The following NEK11 variants were observed in gnomAD, a reference collection of about 807,000 sequenced individuals.
NEK11 encodes the protein NIMA related kinase 11, also known as serine/threonine-protein kinase Nek11.
NEK11 carries 72 observed loss-of-function variants against 80.7 expected under a neutral mutation model. The ratio of observed to expected loss-of-function variants is 0.89; its 90% CI spans 0.74 to 1.08. The LOEUF is 1.08. Ranked by LOEUF, NEK11 falls within the 50% of genes least tolerant of loss-of-function variation. NEK11 has a pLI of 0.00. For missense variants in NEK11, 764 were observed against 763.6 expected, an observed-to-expected ratio of 1.00 and a Z score of -0.01; for synonymous variants, 251 against 260.7, an observed-to-expected ratio of 0.96 and a Z score of 0.36.
At chr3:131,138,971 CTGA>C (rs1024848515) in intron 7 of NEK11, among the ~76,000 whole-genome samples, 29 of 152,188 alleles carry the variant, frequency 1.9e-4, no homozygotes, top group African/African-American at 7.0e-4. Context: ...TGCCCAGGCA[CTGA>C]TGAACATTCA....
chr3:131,225,798 G>A (rs1321724747), intron 14 of NEK11, among the ~76,000 whole-genome samples: 1 of 152,086 alleles, frequency 6.6e-6, no homozygotes, highest in Admixed American at 6.5e-5. Flanking sequence ...AATTGAACAG[G>A]ATGAAAAACA....
chr3:131,333,566 G>T (rs2097131414), intron 17 of NEK11, among the ~76,000 whole-genome samples: 1 of 152,112 alleles, frequency 6.6e-6, no homozygotes. Context: ...CAACTAACGA[G>T]CAAAATCACC....
chr3:131,331,638 G>A (rs943356777), intron 17 of NEK11, among the ~76,000 whole-genome samples: 1 of 152,210 alleles, frequency 6.6e-6, no homozygotes, highest in South Asian at 2.1e-4. Context: ...CACCGTGCGT[G>A]AGCCGAAGCA....
At position 131,195,600 on chromosome 3, in the gene NEK11, G is replaced by C. The variant is rs536236804; in HGVS notation, c.1399+24713G>C. ...ATGTGTTATTCTTATATTAGCACCC[G>C]CAGGGCTACTGCATACAGTTGTGCC... is the stretch of plus-strand genomic sequence containing the variant. On this transcript the variant is annotated intron_variant, in intron 14 of 17. Transcript: ENST00000383366. 2.0e-5 allele frequency among the ~76,000 whole-genome samples: 3 copies of C among 151,970 alleles called. No individual in the cohort carries two copies. The South Asian group carries it at 6.2e-4, about 32-fold the overall frequency.
intron 14 of NEK11, among the ~76,000 whole-genome samples, chr3:131,171,674 T>A (rs1454599038): frequency 2.0e-5 from 3 of 152,172 alleles, no homozygotes; most frequent in Non-Finnish European, 4.4e-5. Context: ...ACGTGGCATG[T>A]GGAGTGGTCT....
At chr3:131,206,561 T>C (rs1278920749) in intron 14 of NEK11, among the ~76,000 whole-genome samples, 3 of 152,152 alleles carry the variant, frequency 2.0e-5, no homozygotes, top group African/African-American at 7.2e-5. Flanking sequence ...AATAACACAT[T>C]TATCTATCAC....
chr3:131,109,665 G>A, intron 4 of NEK11, 138 bp from the exon 5 acceptor site: 1 of 883,890 alleles, frequency 1.1e-6, no homozygotes, highest in Non-Finnish European at 1.7e-6. Flanking sequence ...TTTGATTAAA[G>A]AGAGAATCTT....
At chr3:131,334,610 C>A (rs200029792) in intron 17 of NEK11, among the ~76,000 whole-genome samples, 1 of 151,248 alleles carries the variant, frequency 6.6e-6, no homozygotes, top group Admixed American at 6.6e-5. Flanking sequence ...CAAGAAATAA[C>A]TAAAATCAGA....
rs556444126 is a variant in NEK11 at position 131,264,822 on chromosome 3, A to G, written c.1622-8656A>G. ...CCTTGGGCAGTATGGCCATTTTCAC[A>G]ATATTGATTCTTCCTATCCATGAGC... On this transcript the variant is annotated intron_variant, in intron 16 of 17. Transcript: ENST00000383366. Among the ~76,000 whole-genome samples, 160 of 152,154 alleles carry G rather than the reference A, an allele frequency of 1.1e-3. 1 individual carries two copies. Among genetic ancestry groups the G allele is most frequent in the Middle Eastern group, 6.8e-3 (2 of 294 alleles).
At chr3:131,212,464 G>A (rs1029924216) in intron 14 of NEK11, among the ~76,000 whole-genome samples, 5 of 152,222 alleles carry the variant, frequency 3.3e-5, no homozygotes, top group Admixed American at 2.6e-4. Flanking sequence ...TGAGGAGGCA[G>A]TCTGTCCATT....
At chr3:131,309,203 T>C (rs187095053) in intron 17 of NEK11, among the ~76,000 whole-genome samples, 1 of 152,316 alleles carries the variant, frequency 6.6e-6, no homozygotes, top group Non-Finnish European at 1.5e-5. Context: ...GTTTGGCCTG[T>C]ATCACTCTCT....
Position 131,333,976 on chromosome 3 carries a change from G to C in NEK11, c.1719-15581G>C, listed in dbSNP as rs956085469. Reference sequence around the variant, plus strand: ...CACCCAGATTCATAAAGCAAGTCCTGAGTGACCTACAGAGAGACTTAGACT... The same window carrying C: ...CACCCAGATTCATAAAGCAAGTCCTCAGTGACCTACAGAGAGACTTAGACT... On this transcript the variant is annotated intron_variant, in intron 17 of 17. Transcript: ENST00000383366. Among the ~76,000 whole-genome samples the C allele has an allele frequency of 2.0e-4, 30 of 152,218 alleles. No homozygotes were observed. In the East Asian group the frequency reaches 2.9e-3, roughly 15 times the overall value.
intron 9 of NEK11, among the ~76,000 whole-genome samples, chr3:131,154,198 A>C (rs1306455516): frequency 5.3e-5 from 8 of 152,106 alleles, no homozygotes; most frequent in African/African-American, 1.9e-4. Flanking sequence ...GATCCAGTAG[A>C]ACCTGCAGGT....
At chr3:131,176,037 A>T (rs1326559129) in intron 14 of NEK11, among the ~76,000 whole-genome samples, 1 of 152,134 alleles carries the variant, frequency 6.6e-6, no homozygotes, top group African/African-American at 2.4e-5. Flanking sequence ...GTCCTTTCCA[A>T]GGAGGAAAGT....
At chr3:131,337,139 C>G (rs905695562) in intron 17 of NEK11, among the ~76,000 whole-genome samples, 5 of 152,190 alleles carry the variant, frequency 3.3e-5, no homozygotes, top group Admixed American at 1.3e-4. Context: ...GACTATAAAT[C>G]ATGCTGCTAT....
At chr3:131,231,876 T>C (rs1047379328) in intron 15 of NEK11, among the ~76,000 whole-genome samples, 1 of 152,116 alleles carries the variant, frequency 6.6e-6, no homozygotes, top group Non-Finnish European at 1.5e-5. Flanking sequence ...TCTATGTGTG[T>C]AATCAGATCA....
At chr3:131,228,928 T>C (rs565091663) in intron 15 of NEK11, among the ~76,000 whole-genome samples, 2 of 151,884 alleles carry the variant, frequency 1.3e-5, no homozygotes, top group East Asian at 1.9e-4. Flanking sequence ...CTGCACTTAT[T>C]TGGGGGGTTG....
chr3:131,294,740 T>C (rs116108952), intron 17 of NEK11, among the ~76,000 whole-genome samples: 8 of 152,308 alleles, frequency 5.3e-5, no homozygotes, highest in African/African-American at 1.9e-4. Flanking sequence ...TTTGACACTC[T>C]GTTGTTAGAC....
At chr3:131,185,502 A>G (rs2093562790) in intron 14 of NEK11, among the ~76,000 whole-genome samples, 1 of 152,124 alleles carries the variant, frequency 6.6e-6, no homozygotes, top group African/African-American at 2.4e-5. Context: ...GGAATCCCAT[A>G]TTGGACAGAA....
Sources: allele counts gnomAD v4.1 joint callset (sites outside exome capture counted in the v4.1 genomes callset), GRCh38; gene constraint gnomAD v4.1.1; transcripts MANE v1.5; gene names NCBI Gene and HGNC (gene_info 2026-07-23, HGNC 2026-07-21).